The following DCTPP1 variants were observed in gnomAD, a reference collection of about 807,000 sequenced individuals.
The protein encoded by DCTPP1 is dCTP pyrophosphatase 1.
A neutral mutation model predicts 8.8 loss-of-function variants in DCTPP1; 8 were observed. That is an observed-to-expected ratio of 0.91 (90% CI 0.54 to 1.64). The LOEUF (loss-of-function observed/expected upper bound fraction) is 1.64, where lower values mean the gene tolerates loss of function less well. DCTPP1 is among the 40% of genes most tolerant of loss of function. The pLI is 0.00. For synonymous variants in DCTPP1, 85 were observed against 92.1 expected, an observed-to-expected ratio of 0.92 and a Z score of 0.44; for missense variants, 231 against 230.4, an observed-to-expected ratio of 1.00 and a Z score of -0.02.
intron 1 of DCTPP1, 148 bp downstream of exon 1, chr16:30,429,732 A>C (rs2050214007): frequency 1.4e-6 from 1 of 700,276 alleles, no homozygotes; most frequent in African/African-American, 1.9e-5. Flanking sequence ...TTTGCAGATG[A>C]GGTAAGAAGG....
In DCTPP1 at chr16:30,424,480, C is replaced by G; in HGVS notation, c.266G>C (p.Arg89Pro). ...PGPQGWSPRE[R>P]AALQEELSDV... The stretch of plus-strand genomic sequence containing the variant: ...ACTAAGCTCCTCTTGAAGGGCTGCC[C>G]GTTCCCTGGGGGACCAGCCTTGGGG... Residue 89 changes from arginine to proline, a missense_variant, in exon 3 of 3, where the codon CGG (arginine) becomes CCG (proline). Arg to Pro is a moderately radical substitution (Grantham distance 103). Coordinates refer to ENST00000319285, the MANE Select transcript of DCTPP1 (RefSeq NM_024096.2). 1 of 1,614,198 alleles carries G rather than the reference C, an allele frequency of 6.2e-7. No individual in the cohort carries two copies.
chr16:30,423,891 A>C lies in DCTPP1; in HGVS notation c.*342T>G. 1 of 235,580 alleles carries C rather than the reference A, an allele frequency of 4.2e-6. No homozygotes were observed. The allele number at this position is 235,580 out of a possible 1,614,324, so 14.6% of individuals were successfully genotyped here. ...GAACTTACATGACATCCTACTGGGA[A>C]TTTGCTAGAAACCAGATCTCTCTGC... On this transcript the variant is annotated 3_prime_UTR_variant, in exon 3 of 3. Transcript: ENST00000319285.
At chr16:30,429,016 C>G (rs1322199281) in intron 2 of DCTPP1, 41 bp downstream of exon 2, 2 of 1,571,892 alleles carry the variant, frequency 1.3e-6, no homozygotes, top group Admixed American at 1.8e-5. Flanking sequence ...CTCCCCTCCC[C>G]CACAACTCAG....
intron 1 of DCTPP1, 50 bp downstream of exon 1, chr16:30,429,830 C>T: frequency 1.3e-6 from 2 of 1,553,976 alleles, no homozygotes; most frequent in Non-Finnish European, 1.7e-6. Flanking sequence ...CCCCAAAACG[C>T]GGGAGAAAGG....
At chr16:30,426,904 T>C (rs2050197686) in intron 2 of DCTPP1, among the ~76,000 whole-genome samples, 1 of 151,924 alleles carries the variant, frequency 6.6e-6, no homozygotes, top group African/African-American at 2.4e-5. Context: ...TTTCACCATG[T>C]TGGCCAGGCT....
chr16:30,429,239 C>A lies in DCTPP1; in HGVS notation c.102-72G>T, dbSNP rs931382152. 7 of 1,508,854 alleles carry A rather than the reference C, an allele frequency of 4.6e-6. No individual in the cohort carries two copies. In the African/African-American group the frequency reaches 9.6e-5, roughly 21 times the overall value. 93.5% of individuals were successfully genotyped at this position (1,508,854 alleles called of 1,614,324 possible). On this transcript the variant is annotated intron_variant, in intron 1 of 2. Transcript: ENST00000319285. ...GTGATGCAGGGGCCAGAGGCAGCTA[C>A]CCCCGTAGTATGTAATGGGGCCTGG...
Position 30,429,965 on chromosome 16 carries a change from CA to C in DCTPP1, c.15del (p.Glu7ArgfsTer100). ...CCCCCCGTGTCCCCACGAATCTCCC[CA>C]CCGGCCACAGACATGCCGCCCACCG... MSVA[G>X]GEIRGDTGGE... On this transcript the variant is annotated frameshift_variant, in exon 1 of 3. Transcript: ENST00000319285. LOFTEE classifies it high-confidence loss of function. 1 of 1,573,578 alleles carries C rather than the reference CA, an allele frequency of 6.4e-7. No individual in the cohort carries two copies. The highest frequency in any genetic ancestry group is 8.6e-7 in the Non-Finnish European group (1 of 1,161,040).
chr16:30,428,864 C>T lies in DCTPP1; in HGVS notation c.212+193G>A, dbSNP rs1223169876. On this transcript the variant is annotated intron_variant, in intron 2 of 2. Coordinates refer to ENST00000319285, the MANE Select transcript of DCTPP1 (RefSeq NM_024096.2). ...CCTGTCCTGATGCTTTCACACCTCA[C>T]ACCTCTCTCTTCCAGGAGGCTGAGT... is the stretch of plus-strand genomic sequence containing the variant. The T allele has an allele frequency of 5.5e-6, 3 of 548,212 alleles. No homozygotes were observed. In the African/African-American group the frequency reaches 5.8e-5, roughly 11 times the overall value. 34.0% of individuals were successfully genotyped at this position (548,212 alleles called of 1,614,324 possible).
In DCTPP1 at chr16:30,430,018, A is replaced by G. The variant is rs1371288030; in HGVS notation, c.-38T>C. On this transcript the variant is annotated 5_prime_UTR_variant, in exon 1 of 3. Transcript: ENST00000319285. ...TGCACCGCGACTTCACGGAAAACCC[A>G]CGAGCCACGCTCGAAGCCCCGCCTC... 1 of 1,423,656 alleles carries G rather than the reference A, an allele frequency of 7.0e-7. No homozygotes were observed. Among genetic ancestry groups the G allele is most frequent in the African/African-American group, 1.5e-5 (1 of 67,234 alleles). 88.2% of individuals were successfully genotyped at this position (1,423,656 alleles called of 1,614,324 possible).
intron 2 of DCTPP1, 57 bp from the exon 3 acceptor site, chr16:30,424,590 T>C: frequency 1.9e-6 from 3 of 1,571,728 alleles, no homozygotes; most frequent in Non-Finnish European, 2.6e-6. Context: ...CAATGGGCTC[T>C]GCCAGTCCTT....
chr16:30,429,786 G>A, intron 1 of DCTPP1, 94 bp downstream of exon 1: 1 of 1,280,758 alleles, frequency 7.8e-7, no homozygotes, highest in Non-Finnish European at 1.1e-6. Context: ...GAGCCCCGCT[G>A]CCAGCCCGCT....
rs2050181352 is a variant in DCTPP1 at position 30,424,479 on chromosome 16, C to A, written c.267G>T (p.Arg89=). 6.2e-7 allele frequency: 1 copy of A among 1,614,080 alleles called. No individual in the cohort carries two copies. The highest frequency in any genetic ancestry group is 1.7e-5 in the Admixed American group (1 of 60,010). The stretch of plus-strand genomic sequence containing the variant: ...CACTAAGCTCCTCTTGAAGGGCTGC[C>A]CGTTCCCTGGGGGACCAGCCTTGGG... The part of the protein sequence containing the change: ...PGPQGWSPRE[R]AALQEELSDV... Residue 89 remains arginine (R), a synonymous_variant, in exon 3 of 3, where the codon CGG becomes CGT. Coordinates refer to ENST00000319285, the MANE Select transcript of DCTPP1 (RefSeq NM_024096.2).
intron 1 of DCTPP1, 139 bp from the exon 2 acceptor site, chr16:30,429,306 C>T: frequency 2.6e-6 from 2 of 780,926 alleles, no homozygotes; most frequent in Non-Finnish European, 2.0e-6. Context: ...TGGTATTGTG[C>T]AGGTCATTTC....
At position 30,424,363 on chromosome 16, in the gene DCTPP1, C is replaced by T. The variant is rs766861882; in HGVS notation, c.383G>A (p.Arg128His). The T allele has an allele frequency of 1.8e-5, 29 of 1,614,182 alleles. No individual in the cohort carries two copies. The highest frequency in any genetic ancestry group is 2.5e-5 in the Non-Finnish European group (29 of 1,180,042). ...GCTGCGGGCCAGATGGGCTGGGTAG[C>T]GTCGCCGGTTGATGTCCATTTTGGA... ...VLSKMDINRR[R>H]YPAHLARSSS... Residue 128 changes from arginine to histidine, a missense_variant, in exon 3 of 3, where the codon CGC (arginine) becomes CAC (histidine). Arg to His is a conservative substitution (Grantham distance 29). Transcript: ENST00000319285.
chr16:30,429,547 A>C, intron 1 of DCTPP1: 2 of 405,250 alleles, frequency 4.9e-6, no homozygotes, highest in Non-Finnish European at 4.4e-6. Flanking sequence ...AGCAAAAAAT[A>C]ACGTCTCCCA....
At chr16:30,429,823 C>CA in intron 1 of DCTPP1, 57 bp downstream of exon 1, 1 of 1,539,904 alleles carries the variant, frequency 6.5e-7, no homozygotes. Flanking sequence ...GAACCCTCCC[C>CA]AAAACGCGGG....
rs770411229 is a variant in DCTPP1 at position 30,424,201 on chromosome 16, C to T, written c.*32G>A. On this transcript the variant is annotated 3_prime_UTR_variant, in exon 3 of 3. Transcript: ENST00000319285. ...AGGCCACTCTCTGCTCTTCAGACAC[C>T]ACCCTGAGTTGCAAGTCCTGTGGCC... 6 of 1,606,360 alleles carry T rather than the reference C, an allele frequency of 3.7e-6. No individual in the cohort carries two copies. In the East Asian group the frequency reaches 8.9e-5, roughly 24 times the overall value.
intron 2 of DCTPP1, among the ~76,000 whole-genome samples, chr16:30,428,023 C>T (rs1034282036): frequency 3.3e-5 from 5 of 152,120 alleles, no homozygotes; most frequent in Non-Finnish European, 7.4e-5. Context: ...TGGTCTAGGG[C>T]TCATCGCCTC....
At chr16:30,427,041 G>T in intron 2 of DCTPP1, among the ~76,000 whole-genome samples, 1 of 144,784 alleles carries the variant, frequency 6.9e-6, no homozygotes, top group Non-Finnish European at 1.5e-5. Flanking sequence ...ACGGAGCCTT[G>T]CTCTGTCGCC....
Sources: gnomAD v4.1 joint callset for allele counts (sites outside exome capture counted in the v4.1 genomes callset) on GRCh38, gnomAD v4.1.1 for gene constraint, MANE v1.5 for transcripts, NCBI Gene and HGNC (gene_info 2026-07-23, HGNC 2026-07-21) for gene names.